Variants in TRPC4 observed in about 807,000 individuals in gnomAD.
The protein encoded by TRPC4 is transient receptor potential cation channel subfamily C member 4, also known as short transient receptor potential channel 4.
TRPC4 carries 49 observed loss-of-function variants against 99.4 expected under a neutral mutation model. That is an observed-to-expected ratio of 0.49 (90% CI 0.39 to 0.63). The LOEUF (loss-of-function observed/expected upper bound fraction) is 0.63, where lower values mean the gene tolerates loss of function less well. TRPC4 is among the 20% of genes least tolerant of loss of function. The pLI is 0.00. For synonymous variants in TRPC4, 454 were observed against 425.9 expected (o/e 1.07, Z -0.81); for missense variants, 898 against 1,152.9 (o/e 0.78, Z 3.20).
intron 1 of TRPC4, among the ~76,000 whole-genome samples, chr13:37,841,029 A>G (rs1173563915): frequency 7.2e-5 from 11 of 152,112 alleles, no homozygotes; most frequent in African/African-American, 2.7e-4. Context: ...CAAAAATTTT[A>G]TATTATTGGT....
At position 37,711,191 on chromosome 13, in the gene TRPC4, T is replaced by A. The variant is rs192194634; in HGVS notation, c.898-18856A>T. Among the ~76,000 whole-genome samples the A allele has an allele frequency of 4.6e-5, 7 of 152,088 alleles. No individual in the cohort carries two copies. In the East Asian group the frequency reaches 1.4e-3, roughly 29 times the overall value. On this transcript the variant is annotated intron_variant, in intron 3 of 10. Coordinates refer to ENST00000379705, the MANE Select transcript of TRPC4 (RefSeq NM_016179.4). Reference sequence around the variant, plus strand: ...CTGCCCATTTTGAAGCTTCCTTTTGTTTGCATTGTACAAATTCACAAATAA... The same window carrying A: ...CTGCCCATTTTGAAGCTTCCTTTTGATTGCATTGTACAAATTCACAAATAA...
At chr13:37,804,841 C>T (rs1403677857) in intron 1 of TRPC4, among the ~76,000 whole-genome samples, 3 of 151,826 alleles carry the variant, frequency 2.0e-5, no homozygotes, top group Non-Finnish European at 4.4e-5. Context: ...GTAATATGTC[C>T]AAGTAATCCC....
chr13:37,687,963 A>G lies in TRPC4; in HGVS notation c.1234+4036T>C, dbSNP rs535460034. The stretch of plus-strand genomic sequence containing the variant: ...TTACTCATCTATTGAGAGTTCTAAC[A>G]GAATTATCCATGATTAGTTTTCTGC... On this transcript the variant is annotated intron_variant, in intron 4 of 10. Coordinates refer to ENST00000379705, the MANE Select transcript of TRPC4 (RefSeq NM_016179.4). 1.1e-4 allele frequency among the ~76,000 whole-genome samples: 16 copies of G among 152,340 alleles called. No individual in the cohort carries two copies. The South Asian group carries it at 3.3e-3, about 32-fold the overall frequency.
intron 3 of TRPC4, among the ~76,000 whole-genome samples, chr13:37,713,471 A>G (rs1315175548): frequency 6.6e-6 from 1 of 152,134 alleles, no homozygotes; most frequent in Non-Finnish European, 1.5e-5. Flanking sequence ...TTTTAATCTT[A>G]TGGAGTCCCT....
chr13:37,810,372 A>G (rs1957642857), intron 1 of TRPC4, among the ~76,000 whole-genome samples: 1 of 152,042 alleles, frequency 6.6e-6, no homozygotes, highest in African/African-American at 2.4e-5. Context: ...GATTTTTCAT[A>G]TTGCTAATAG....
At chr13:37,744,216 TAAG>T (rs1955675452) in intron 3 of TRPC4, among the ~76,000 whole-genome samples, 1 of 152,208 alleles carries the variant, frequency 6.6e-6, no homozygotes, top group Non-Finnish European at 1.5e-5. Context: ...TATGGATCTT[TAAG>T]AAGATTTAGG....
intron 6 of TRPC4, 53 bp from the exon 7 acceptor site, chr13:37,655,336 A>C (rs1483764238): frequency 6.5e-6 from 7 of 1,073,160 alleles, no homozygotes; most frequent in Admixed American, 7.2e-5. Flanking sequence ...ATCATTATAC[A>C]TGGGATAAAA....
At chr13:37,792,697 C>T (rs1360573004) in intron 1 of TRPC4, among the ~76,000 whole-genome samples, 1 of 149,974 alleles carries the variant, frequency 6.7e-6, no homozygotes, top group Admixed American at 6.7e-5. Context: ...ATCCTGTGGC[C>T]CGTAACTGAC....
At chr13:37,774,671 T>C (rs925354557) in intron 2 of TRPC4, among the ~76,000 whole-genome samples, 5 of 151,656 alleles carry the variant, frequency 3.3e-5, no homozygotes, top group African/African-American at 1.2e-4. Flanking sequence ...TACTTTTCGA[T>C]ATTTCCCAGT....
intron 1 of TRPC4, among the ~76,000 whole-genome samples, chr13:37,811,356 C>T (rs1458653046): frequency 6.6e-6 from 1 of 152,164 alleles, no homozygotes; most frequent in African/African-American, 2.4e-5. Flanking sequence ...AGTCACTGGA[C>T]ATTATCAGCC....
intron 3 of TRPC4, among the ~76,000 whole-genome samples, chr13:37,710,869 C>A (rs937910223): frequency 6.6e-6 from 1 of 151,780 alleles, no homozygotes; most frequent in Admixed American, 6.6e-5. Flanking sequence ...GAAAGATAGA[C>A]TATTGCTTTT....
chr13:37,791,664 A>G (rs768422787), intron 1 of TRPC4, among the ~76,000 whole-genome samples: 1 of 152,180 alleles, frequency 6.6e-6, no homozygotes, highest in Non-Finnish European at 1.5e-5. Flanking sequence ...CATAATAATT[A>G]TAAATTTCTA....
At chr13:37,772,114 A>G (rs1443545830) in intron 2 of TRPC4, among the ~76,000 whole-genome samples, 1 of 151,732 alleles carries the variant, frequency 6.6e-6, no homozygotes, top group Non-Finnish European at 1.5e-5. Flanking sequence ...TGGAAACTCT[A>G]TGCTTGACGG....
chr13:37,755,571 G>C (rs1415583346), intron 2 of TRPC4, among the ~76,000 whole-genome samples: 1 of 151,770 alleles, frequency 6.6e-6, no homozygotes, highest in Non-Finnish European at 1.5e-5. Context: ...ACCACGCCTA[G>C]ATCATATTTT....
chr13:37,695,051 T>C (rs887175703), intron 3 of TRPC4, among the ~76,000 whole-genome samples: 6 of 152,178 alleles, frequency 3.9e-5, no homozygotes, highest in African/African-American at 1.4e-4. Flanking sequence ...AAATTAAGGA[T>C]TGAAATAATT....
intron 2 of TRPC4, among the ~76,000 whole-genome samples, chr13:37,760,318 GC>G (rs1956189465): frequency 6.6e-6 from 1 of 151,856 alleles, no homozygotes; most frequent in South Asian, 2.1e-4. Context: ...ATTGGTGTTT[GC>G]CTTTTCCCTC....
chr13:37,734,789 A>C (rs114578306), intron 3 of TRPC4, among the ~76,000 whole-genome samples: 4,278 of 152,246 alleles, frequency 0.028, 191 homozygotes, highest in African/African-American at 0.097. Flanking sequence ...AAAAATAACA[A>C]CAATGTCCAT....
intron 3 of TRPC4, among the ~76,000 whole-genome samples, chr13:37,740,704 C>T (rs1231678896): frequency 2.6e-5 from 4 of 152,168 alleles, no homozygotes; most frequent in African/African-American, 9.7e-5. Context: ...TTGTTTCTTG[C>T]TTCCATATCA....
chr13:37,749,829 C>A (rs530817453), intron 2 of TRPC4, among the ~76,000 whole-genome samples: 1 of 151,902 alleles, frequency 6.6e-6, no homozygotes, highest in Admixed American at 6.6e-5. Context: ...TATCACTATT[C>A]GTTTTATACT....
Sources: allele counts gnomAD v4.1 joint callset (sites outside exome capture counted in the v4.1 genomes callset), GRCh38; gene constraint gnomAD v4.1.1; transcripts MANE v1.5; gene names NCBI Gene and HGNC (gene_info 2026-07-23, HGNC 2026-07-21).